Variants in THBS4 observed in about 807,000 individuals in gnomAD.
THBS4 encodes the protein thrombospondin 4.
A neutral mutation model predicts 115.7 loss-of-function variants in THBS4; 90 were observed. The ratio of observed to expected loss-of-function variants is 0.78; its 90% CI spans 0.66 to 0.93. The LOEUF is 0.93. THBS4 is among the 40% of genes least tolerant of loss of function. The pLI is 0.00. For synonymous variants in THBS4, 460 were observed against 479.3 expected, an observed-to-expected ratio of 0.96 and a Z score of 0.53; for missense variants, 1,087 against 1,232.7, an observed-to-expected ratio of 0.88 and a Z score of 1.77.
At position 80,019,826 on chromosome 5, in the gene THBS4, C is replaced by T. The variant is rs114135451; in HGVS notation, n.178-20251C>T. 4.7e-3 allele frequency: 771 copies of T among 165,148 alleles called. 4 individuals carry two copies. The highest frequency in any genetic ancestry group is 0.017 in the African/African-American group (735 of 42,008). The allele number at this position is 165,148 out of a possible 1,614,324, so 10.2% of individuals were successfully genotyped here. A position where few individuals can be genotyped will look rare whatever the true frequency, so the allele number is the denominator to read the frequency against. On this transcript the variant is annotated intron_variant and non_coding_transcript_variant, in intron 2 of 3. Coordinates refer to the THBS4 transcript ENST00000510218. ...TACCGTTGCACGGGGAGCCTGTAAC[C>T]GTGCTTTTCACTTCACTGTCTCTCT...
Position 80,035,504 on chromosome 5 carries a change from GC to G in THBS4, c.-29del, listed in dbSNP as rs763110288. The G allele has an allele frequency of 1.0e-4, 133 of 1,296,792 alleles. 1 individual carries two copies. The East Asian group carries it at 3.3e-3, about 32-fold the overall frequency. 80.3% of individuals were successfully genotyped at this position (1,296,792 alleles called of 1,614,324 possible). ...CCCAGGCGGGGCCAACGCCGCCGTCGCCCCCGGCCTCGCGGGGAGCAGGAAG... is the reference window on the plus strand; with the variant it reads ...CCCAGGCGGGGCCAACGCCGCCGTCGCCCCGGCCTCGCGGGGAGCAGGAAG... On this transcript the variant is annotated 5_prime_UTR_variant, in exon 1 of 22. Transcript: ENST00000350881. The surrounding 1 kb of genome is among the most constrained non-coding windows in gnomAD (Gnocchi z 4.6).
chr5:80,067,924 A>C (rs1200957107), intron 9 of THBS4, 49 bp from the exon 10 acceptor site: 1 of 1,600,860 alleles, frequency 6.2e-7, no homozygotes, highest in Admixed American at 1.7e-5. Flanking sequence ...CTCAAACTGT[A>C]CCTTTGCCCA....
At chr5:80,039,790 T>G (rs1296842192) in intron 1 of THBS4, among the ~76,000 whole-genome samples, 2 of 152,210 alleles carry the variant, frequency 1.3e-5, no homozygotes, top group Non-Finnish European at 1.5e-5. Flanking sequence ...TTTTCAGAGC[T>G]ACTTGTTCAG....
At chr5:80,058,583 A>T (rs949583194) in intron 4 of THBS4, 125 bp from the exon 5 acceptor site, 9 of 834,214 alleles carry the variant, frequency 1.1e-5, no homozygotes, top group Non-Finnish European at 4.0e-6. Flanking sequence ...CCCAAATTAA[A>T]TTCAAAGATT....
At chr5:80,025,650 T>G (rs190449703) in intron 2 of THBS4, among the ~76,000 whole-genome samples, 13 of 152,294 alleles carry the variant, frequency 8.5e-5, no homozygotes, top group Admixed American at 6.5e-4. Context: ...GAGGAGCTCT[T>G]CCTGATAGGT....
exon 1 of THBS4, chr5:79,991,381 G>A (rs912738322): frequency 2.6e-6 from 2 of 756,366 alleles, no homozygotes; most frequent in Non-Finnish European, 4.1e-6. Flanking sequence ...GAGGGATTAA[G>A]AAGAACTCTT....
intron 2 of THBS4, among the ~76,000 whole-genome samples, chr5:80,045,531 C>CTTT (rs70982016): frequency 2.2e-5 from 3 of 135,672 alleles, no homozygotes; most frequent in Non-Finnish European, 4.8e-5. Flanking sequence ...TTTATGGAGT[C>CTTT]TTTTTTTTTT....
Position 80,078,101 on chromosome 5 carries a change from C to T in THBS4, c.2139C>T (p.Ile713=), listed in dbSNP as rs1260682690. The change falls in exon 17 of 22, where the codon ATC becomes ATT. Residue 713 remains isoleucine, a synonymous_variant. Transcript: ENST00000350881. ...CTGACTTTGACCAGGACCAGGTCAT[C>T]GATCGGATCGACGTCTGCCCAGAGA... ...CESDFDQDQV[I]DRIDVCPENA... 9 of 1,609,832 alleles carry T rather than the reference C, an allele frequency of 5.6e-6. No homozygotes were observed. In the Admixed American group the frequency reaches 1.0e-4, roughly 18 times the overall value.
At chr5:80,061,178 T>A (rs995074391) in intron 7 of THBS4, among the ~76,000 whole-genome samples, 1 of 152,012 alleles carries the variant, frequency 6.6e-6, no homozygotes, top group Admixed American at 6.6e-5. Flanking sequence ...CAAAAAACAA[T>A]CTCCAAGATT....
At chr5:80,022,147 G>A (rs1832390710) in intron 2 of THBS4, among the ~76,000 whole-genome samples, 1 of 152,098 alleles carries the variant, frequency 6.6e-6, no homozygotes, top group African/African-American at 2.4e-5. Context: ...AAGGTCCCAG[G>A]TTTTATCAGG....
intron 7 of THBS4, among the ~76,000 whole-genome samples, chr5:80,060,351 G>A (rs927867513): frequency 2.0e-5 from 3 of 152,146 alleles, no homozygotes; most frequent in Admixed American, 6.5e-5. Flanking sequence ...CAAGGGGGAG[G>A]CCCTGTAACC....
rs770330069 is a variant in THBS4 at position 80,061,800 on chromosome 5, G to A, written c.1093G>A (p.Val365Ile). 3 of 1,612,788 alleles carry A rather than the reference G, an allele frequency of 1.9e-6. No individual in the cohort carries two copies. The highest frequency in any genetic ancestry group is 1.7e-5 in the Admixed American group (1 of 59,492). ...VGFTGPMVQG[V>I]GISFAKSNKQ... ...CTTCACAGGGCCCATGGTGCAGGGT[G>A]TTGGGATCAGTTTTGCCAAGTCAAA... is the stretch of plus-strand genomic sequence containing the variant. Residue 365 changes from valine to isoleucine, a missense_variant, in exon 8 of 22, where the codon GTT becomes ATT. Val to Ile is a conservative substitution (Grantham distance 29). Coordinates refer to ENST00000350881, the MANE Select transcript of THBS4 (RefSeq NM_003248.6).
chr5:80,080,682 G>C (rs963584781), intron 20 of THBS4, among the ~76,000 whole-genome samples: 1 of 146,680 alleles, frequency 6.8e-6, no homozygotes, highest in African/African-American at 2.5e-5. Context: ...CGCCTTCCTG[G>C]TTCAAGTGAT....
At chr5:80,045,637 T>C (rs1313028446) in intron 2 of THBS4, among the ~76,000 whole-genome samples, 1 of 151,864 alleles carries the variant, frequency 6.6e-6, no homozygotes, top group African/African-American at 2.4e-5. Context: ...TTCAAGTGAT[T>C]CTCCTGCCTC....
chr5:79,994,435 T>C (rs972917407), intron 1 of THBS4, among the ~76,000 whole-genome samples: 6 of 152,212 alleles, frequency 3.9e-5, no homozygotes, highest in African/African-American at 1.4e-4. Context: ...CATGATATTA[T>C]TGTTATTATT....
At chr5:79,993,290 A>G (rs182632596) in intron 1 of THBS4, among the ~76,000 whole-genome samples, 51 of 152,358 alleles carry the variant, frequency 3.3e-4, no homozygotes, top group Non-Finnish European at 5.9e-4. Context: ...GCAATCTTTT[A>G]TTGCTGCAGT....
chr5:80,071,349 C>T (rs1051318107), intron 13 of THBS4, among the ~76,000 whole-genome samples, 169 bp downstream of exon 13: 3 of 152,132 alleles, frequency 2.0e-5, no homozygotes, highest in Non-Finnish European at 4.4e-5. Flanking sequence ...TGGAAGGAGA[C>T]CCCACAGCCC....
chr5:80,046,129 A>G (rs1833058598), intron 2 of THBS4, among the ~76,000 whole-genome samples: 1 of 152,242 alleles, frequency 6.6e-6, no homozygotes. Context: ...ACCTCCTGGA[A>G]TAGGTAATGG....
chr5:80,005,790 G>A (rs1246223232), intron 2 of THBS4, among the ~76,000 whole-genome samples: 10 of 137,950 alleles, frequency 7.2e-5, no homozygotes, highest in Non-Finnish European at 1.1e-4. Flanking sequence ...TTTTTGAGAC[G>A]GAGTCTCACT....
Sources: allele counts gnomAD v4.1 joint callset (sites outside exome capture counted in the v4.1 genomes callset), GRCh38; gene constraint gnomAD v4.1.1; non-coding constraint Gnocchi (gnomAD v3.1); transcripts MANE v1.5; gene names NCBI Gene and HGNC (gene_info 2026-07-23, HGNC 2026-07-21).